TSHZ1: variants seen among roughly 807,000 people sequenced by gnomAD.
TSHZ1 encodes teashirt zinc finger homeobox 1, also known as teashirt homolog 1.
In TSHZ1, 12 loss-of-function variants were observed where a neutral mutation model predicts 67.1. The observed-to-expected ratio is 0.18, with a 90% confidence interval of 0.11 to 0.29. The LOEUF is 0.29. Among genes scored for constraint, TSHZ1 ranks in the 10% least tolerant of loss-of-function variants. The pLI, the probability that TSHZ1 is intolerant of heterozygous loss-of-function variation, is 1.00. For synonymous variants in TSHZ1, 632 were observed against 622.4 expected, an observed-to-expected ratio of 1.02 and a Z score of -0.23; for missense variants, 1,305 against 1,413.9, an observed-to-expected ratio of 0.92 and a Z score of 1.23.
Position 75,246,499 on chromosome 18 carries a change from AC to A in TSHZ1, c.40+34587del, listed in dbSNP as rs544005468. On this transcript the variant is annotated intron_variant, in intron 1 of 1. Coordinates refer to ENST00000580243, the MANE Select transcript of TSHZ1 (RefSeq NM_001308210.2). The stretch of plus-strand genomic sequence containing the variant: ...CCCTGTATCAGGTCCATCAAAACAC[AC>A]CCCAGTGCAGAACTCTTGATCCCTT... Among the ~76,000 whole-genome samples, 425 of 148,212 alleles carry A rather than the reference AC, an allele frequency of 2.9e-3. 3 individuals carry two copies. The highest frequency in any genetic ancestry group is 9.8e-3 in the African/African-American group (395 of 40,206).
intron 1 of TSHZ1, among the ~76,000 whole-genome samples, chr18:75,267,818 A>G (rs1436306425): frequency 2.0e-5 from 3 of 152,210 alleles, no homozygotes; most frequent in African/African-American, 7.2e-5. Flanking sequence ...AGTATCCTGT[A>G]TGACATTTTA....
At chr18:75,250,970 C>A (rs1034788328) in intron 1 of TSHZ1, among the ~76,000 whole-genome samples, 8 of 152,182 alleles carry the variant, frequency 5.3e-5, no homozygotes, top group Admixed American at 5.2e-4. Flanking sequence ...GGGGACATGC[C>A]TCTTTGCAAT....
At chr18:75,280,530 T>G (rs1422573044) in intron 1 of TSHZ1, among the ~76,000 whole-genome samples, 1 of 152,216 alleles carries the variant, frequency 6.6e-6, no homozygotes, top group African/African-American at 2.4e-5. Flanking sequence ...GAAAATAACT[T>G]GATCCCGATA....
At chr18:75,259,513 GC>G (rs554983012) in intron 1 of TSHZ1, among the ~76,000 whole-genome samples, 34 of 152,198 alleles carry the variant, frequency 2.2e-4, no homozygotes, top group African/African-American at 8.2e-4. Context: ...GATGCCACTT[GC>G]CCCGGTTAGT....
At chr18:75,236,404 C>T (rs1026945680) in intron 1 of TSHZ1, among the ~76,000 whole-genome samples, 8 of 152,206 alleles carry the variant, frequency 5.3e-5, no homozygotes, top group African/African-American at 1.9e-4. Context: ...GGACAGCTGT[C>T]AGGTGCACCT....
intron 1 of TSHZ1, among the ~76,000 whole-genome samples, chr18:75,265,437 C>T (rs905872101): frequency 9.2e-5 from 14 of 152,278 alleles, no homozygotes; most frequent in Admixed American, 5.2e-4. Flanking sequence ...GTCGTATGGC[C>T]GCTGAGTTAA....
At chr18:75,279,783 C>T (rs866232019) in intron 1 of TSHZ1, among the ~76,000 whole-genome samples, 1 of 152,320 alleles carries the variant, frequency 6.6e-6, no homozygotes, top group Middle Eastern at 3.4e-3. Flanking sequence ...ATTCCTGCCC[C>T]GGGCTGGGCC....
intron 1 of TSHZ1, among the ~76,000 whole-genome samples, chr18:75,220,585 A>T (rs1443353219): frequency 1.3e-5 from 2 of 152,240 alleles, no homozygotes; most frequent in Admixed American, 1.3e-4. Flanking sequence ...TAAACTGTTT[A>T]TAGATTCCAT....
At chr18:75,247,042 C>A (rs957353476) in intron 1 of TSHZ1, among the ~76,000 whole-genome samples, 7 of 152,134 alleles carry the variant, frequency 4.6e-5, no homozygotes, top group Admixed American at 2.0e-4. Context: ...TCTGAATAAT[C>A]TTTTTGCTCG....
intron 1 of TSHZ1, among the ~76,000 whole-genome samples, chr18:75,243,379 C>A (rs755600314): frequency 1.3e-5 from 2 of 152,166 alleles, no homozygotes; most frequent in Non-Finnish European, 2.9e-5. Flanking sequence ...CCTCAGTGAG[C>A]TTGCAAGTCT....
Position 75,286,121 on chromosome 18 carries a change from C to T in TSHZ1, c.714C>T (p.Ser238=), listed in dbSNP as rs199758294. ...GCCAGAACAACAAGCTCTACGGCTC[C>T]GTCTTCACGGGCGCCAGCAAGTTCC... ...LYRQNNKLYG[S]VFTGASKFRC... is the part of the protein sequence containing the mutation. Residue 238 remains serine, a synonymous_variant, in exon 2 of 2, where the codon TCC becomes TCT. Coordinates refer to ENST00000580243, the MANE Select transcript of TSHZ1 (RefSeq NM_001308210.2). This position sits in a 1 kb window ranked among gnomAD's most constrained non-coding sequence, Gnocchi z 5.1. The T allele has an allele frequency of 2.5e-6, 4 of 1,612,898 alleles. No homozygotes were observed. The highest frequency in any genetic ancestry group is 2.7e-5 in the African/African-American group (2 of 74,876).
At chr18:75,240,887 C>T (rs1185434972) in intron 1 of TSHZ1, among the ~76,000 whole-genome samples, 1 of 152,148 alleles carries the variant, frequency 6.6e-6, no homozygotes, top group East Asian at 1.9e-4. Flanking sequence ...GTTTAAAAAC[C>T]TGCTATTTAG....
Position 75,257,926 on chromosome 18 carries a change from CG to C in TSHZ1, c.41-27518del, listed in dbSNP as rs2023381446. The stretch of plus-strand genomic sequence containing the variant: ...GATAGGAGGGCTGCACGCTTAGAAC[CG>C]GGGCTGCACACGGGGCTGTGGACGT... On this transcript the variant is annotated intron_variant, in intron 1 of 1. Coordinates refer to ENST00000580243, the MANE Select transcript of TSHZ1 (RefSeq NM_001308210.2). Among the ~76,000 whole-genome samples, 6 of 152,110 alleles carry C rather than the reference CG, an allele frequency of 3.9e-5. No individual in the cohort carries two copies. The South Asian group carries it at 1.2e-3, about 31-fold the overall frequency.
intron 1 of TSHZ1, among the ~76,000 whole-genome samples, chr18:75,253,043 A>T (rs779271985): frequency 3.0e-4 from 46 of 152,322 alleles, no homozygotes; most frequent in Non-Finnish European, 6.0e-4. Flanking sequence ...TTTCCATTCT[A>T]AAAACAACTT....
intron 1 of TSHZ1, among the ~76,000 whole-genome samples, chr18:75,250,634 C>CG (rs1445693924): frequency 6.6e-6 from 1 of 152,220 alleles, no homozygotes; most frequent in East Asian, 1.9e-4. Flanking sequence ...AAACTGAGCC[C>CG]GGGAACGGCC....
At chr18:75,232,190 G>A (rs1419912587) in intron 1 of TSHZ1, among the ~76,000 whole-genome samples, 1 of 152,214 alleles carries the variant, frequency 6.6e-6, no homozygotes, top group Non-Finnish European at 1.5e-5. Context: ...TGGGATTACA[G>A]GCGTGAGCCA....
At chr18:75,219,858 G>C (rs193062537) in intron 1 of TSHZ1, among the ~76,000 whole-genome samples, 6 of 152,344 alleles carry the variant, frequency 3.9e-5, no homozygotes, top group African/African-American at 1.4e-4. Flanking sequence ...CTGAAGGCAC[G>C]CGTAGGTGTG....
intron 1 of TSHZ1, among the ~76,000 whole-genome samples, chr18:75,272,814 A>G (rs1290912503): frequency 1.3e-5 from 2 of 152,228 alleles, no homozygotes; most frequent in East Asian, 3.8e-4. Flanking sequence ...TGTATTTTCC[A>G]GTATTTCTAC....
chr18:75,262,433 T>C (rs2023441811), intron 1 of TSHZ1, among the ~76,000 whole-genome samples: 1 of 152,206 alleles, frequency 6.6e-6, no homozygotes, highest in East Asian at 1.9e-4. Flanking sequence ...CCAAGCATTG[T>C]TACAGGTGCT....
Sources: gnomAD v4.1 joint callset for allele counts (sites outside exome capture counted in the v4.1 genomes callset) on GRCh38, gnomAD v4.1.1 for gene constraint, Gnocchi (gnomAD v3.1) non-coding constraint, MANE v1.5 for transcripts, NCBI Gene and HGNC (gene_info 2026-07-23, HGNC 2026-07-21) for gene names.